Variants in DDAH1 observed in about 807,000 individuals in gnomAD.
DDAH1 encodes the protein dimethylarginine dimethylaminohydrolase 1, also known as N(G),N(G)-dimethylarginine dimethylaminohydrolase 1.
Under a neutral mutation model 28.8 loss-of-function variants are expected in DDAH1, and 19 were observed. The ratio of observed to expected loss-of-function variants is 0.66; its 90% CI spans 0.46 to 0.97. The LOEUF (loss-of-function observed/expected upper bound fraction) is 0.97. DDAH1 is among the 50% of genes least tolerant of loss of function. DDAH1 has a pLI of 0.00. For synonymous variants in DDAH1, 153 were observed against 154.4 expected (o/e 0.99, Z 0.07); for missense variants, 326 against 375.9 (o/e 0.87, Z 1.10).
chr1:85,453,655 G>C (rs1373880594), intron 1 of DDAH1, among the ~76,000 whole-genome samples: 1 of 152,186 alleles, frequency 6.6e-6, no homozygotes, highest in African/African-American at 2.4e-5. Flanking sequence ...TACTTTGTCA[G>C]AATGAACCCC....
chr1:85,566,342 A>C (rs1659299516), intron 1 of DDAH1, among the ~76,000 whole-genome samples: 1 of 151,852 alleles, frequency 6.6e-6, no homozygotes, highest in Non-Finnish European at 1.5e-5. Context: ...TCTACAAAAA[A>C]TTATCTGGGT....
At chr1:85,394,467 G>C (rs1651708065) in intron 1 of DDAH1, among the ~76,000 whole-genome samples, 1 of 152,086 alleles carries the variant, frequency 6.6e-6, no homozygotes, top group Admixed American at 6.5e-5. Flanking sequence ...CCAAGTCTTT[G>C]GTATTTTGTT....
intron 1 of DDAH1, among the ~76,000 whole-genome samples, chr1:85,551,421 T>A (rs1658787179): frequency 6.6e-6 from 1 of 152,234 alleles, no homozygotes; most frequent in Non-Finnish European, 1.5e-5. Flanking sequence ...CAGCTTCTTC[T>A]GAGCACACTT....
chr1:85,441,300 C>T (rs1163748342), intron 1 of DDAH1, among the ~76,000 whole-genome samples: 4 of 152,158 alleles, frequency 2.6e-5, no homozygotes, highest in African/African-American at 4.8e-5. Flanking sequence ...CCCAGCACTT[C>T]GGGAGGACAA....
intron 1 of DDAH1, among the ~76,000 whole-genome samples, chr1:85,365,216 T>G (rs1329493232): frequency 1.3e-5 from 2 of 152,216 alleles, no homozygotes; most frequent in African/African-American, 4.8e-5. Context: ...AACTTAGCTT[T>G]GCTCTTAAGT....
chr1:85,422,992 T>TA (rs1385697188), intron 1 of DDAH1, among the ~76,000 whole-genome samples: 2 of 152,182 alleles, frequency 1.3e-5, no homozygotes, highest in Admixed American at 1.3e-4. Context: ...TTCTGTTGTT[T>TA]AAGCCACCCA....
chr1:85,472,476 G>A (rs1254879916), intron 2 of DDAH1, among the ~76,000 whole-genome samples: 2 of 151,790 alleles, frequency 1.3e-5, no homozygotes, highest in Admixed American at 1.3e-4. Flanking sequence ...TCTTCCTTTT[G>A]AGAGTTGATT....
At chr1:85,574,874 C>T (rs1268004621) in intron 1 of DDAH1, among the ~76,000 whole-genome samples, 2 of 151,528 alleles carry the variant, frequency 1.3e-5, no homozygotes, top group South Asian at 2.1e-4. Context: ...GGTGAAAACC[C>T]ATCTCTCTCT....
intron 2 of DDAH1, chr1:85,493,549 A>G (rs1353347880): frequency 6.6e-6 from 1 of 152,222 alleles, no homozygotes; most frequent in Non-Finnish European, 1.5e-5. Flanking sequence ...AGGTTGCTCC[A>G]ATATTGAACA....
intron 1 of DDAH1, among the ~76,000 whole-genome samples, chr1:85,451,172 G>T (rs539421913): frequency 6.6e-6 from 1 of 152,262 alleles, no homozygotes; most frequent in Admixed American, 6.5e-5. Flanking sequence ...AAATACAAGA[G>T]CAATGAATGC....
At position 85,350,511 on chromosome 1, in the gene DDAH1, T is replaced by G; in HGVS notation, c.501A>C (p.Pro167=). The change falls in exon 4 of 6, where the codon CCA becomes CCC. Residue 167 remains proline, a synonymous_variant. Transcript: ENST00000284031. Reference sequence around the variant, plus strand: ...TCTTCAAATGCAACCCATCTGCCACTGGCACTGTGGAGACTGCATAGTCCT... The same window carrying G: ...TCTTCAAATGCAACCCATCTGCCACGGGCACTGTGGAGACTGCATAGTCCT... ...TFKDYAVSTV[P]VADGLHLKSF... 2 of 1,614,164 alleles carry G rather than the reference T, an allele frequency of 1.2e-6. No homozygotes were observed. The highest frequency in any genetic ancestry group is 1.7e-6 in the Non-Finnish European group (2 of 1,180,012).
In DDAH1 at chr1:85,318,632, T is replaced by C. The variant is rs3196; in HGVS notation, c.*2820A>G. 2.0e-5 allele frequency: 3 copies of C among 152,750 alleles called. No individual in the cohort carries two copies. Among genetic ancestry groups the C allele is most frequent in the East Asian group, 1.9e-4 (1 of 5,186 alleles). 9.5% of individuals were successfully genotyped at this position (152,750 alleles called of 1,614,324 possible). ...TTTTGGCACACAGAGTGGATAACCATACATTGGCTGGAATGAGGTGGTCAG... is the reference window on the plus strand; with the variant it reads ...TTTTGGCACACAGAGTGGATAACCACACATTGGCTGGAATGAGGTGGTCAG... On this transcript the variant is annotated 3_prime_UTR_variant, in exon 6 of 6. Transcript: ENST00000284031.
intron 2 of DDAH1, among the ~76,000 whole-genome samples, chr1:85,471,987 C>T (rs549977989): frequency 4.1e-4 from 63 of 152,332 alleles, no homozygotes; most frequent in African/African-American, 1.3e-3. Context: ...TCCTGTCCCT[C>T]AGTCCCATGC....
intron 1 of DDAH1, among the ~76,000 whole-genome samples, chr1:85,571,133 G>A (rs371448933): frequency 6.6e-6 from 1 of 152,122 alleles, no homozygotes; most frequent in African/African-American, 2.4e-5. Flanking sequence ...AACCTGTAAG[G>A]CGTTTGGCCC....
At chr1:85,394,904 A>G (rs897165687) in intron 1 of DDAH1, among the ~76,000 whole-genome samples, 3 of 152,214 alleles carry the variant, frequency 2.0e-5, no homozygotes, top group African/African-American at 4.8e-5. Flanking sequence ...AAAATGATTA[A>G]AGTATAGATA....
At chr1:85,561,770 T>C (rs1246774667) in intron 1 of DDAH1, among the ~76,000 whole-genome samples, 3 of 152,152 alleles carry the variant, frequency 2.0e-5, no homozygotes, top group African/African-American at 7.2e-5. Context: ...AGCCAATGAA[T>C]CCATGGGCAT....
intron 1 of DDAH1, among the ~76,000 whole-genome samples, chr1:85,441,173 C>T (rs1208105559): frequency 6.6e-6 from 1 of 152,212 alleles, no homozygotes; most frequent in Non-Finnish European, 1.5e-5. Flanking sequence ...TTTTACAGCA[C>T]TTCTCTGAGC....
At chr1:85,327,060 C>T (rs753144465) in intron 4 of DDAH1, among the ~76,000 whole-genome samples, 4 of 152,214 alleles carry the variant, frequency 2.6e-5, no homozygotes, top group Non-Finnish European at 4.4e-5. Flanking sequence ...TTCTTTTTGG[C>T]TGCTTCCAAA....
intron 2 of DDAH1, chr1:85,482,469 C>A (rs552592223): frequency 6.6e-6 from 1 of 152,166 alleles, no homozygotes; most frequent in East Asian, 1.9e-4. Context: ...GATAAAATTA[C>A]AGAAAAAAAC....
Sources: gnomAD v4.1 joint callset for allele counts (sites outside exome capture counted in the v4.1 genomes callset) on GRCh38, gnomAD v4.1.1 for gene constraint, MANE v1.5 for transcripts, NCBI Gene and HGNC (gene_info 2026-07-23, HGNC 2026-07-21) for gene names.